IL13RA2: variants seen among roughly 807,000 people sequenced by gnomAD.
The protein encoded by IL13RA2 is interleukin 13 receptor subunit alpha 2.
In IL13RA2, 25 loss-of-function variants were observed where a neutral mutation model predicts 34.1. That is an observed-to-expected ratio of 0.73 (90% confidence interval 0.53 to 1.03). The LOEUF (loss-of-function observed/expected upper bound fraction) is 1.03, where lower values mean the gene tolerates loss of function less well. Among genes scored for constraint, IL13RA2 ranks in the 50% least tolerant of loss-of-function variants. IL13RA2 has a pLI of 0.00. For synonymous variants in IL13RA2, 106 were observed against 100.4 expected, an observed-to-expected ratio of 1.06 and a Z score of -0.33; for missense variants, 297 against 280.9, an observed-to-expected ratio of 1.06 and a Z score of -0.41.
At chrX:115,007,203 T>C (rs1556507836) in intron 8 of IL13RA2, among the ~76,000 whole-genome samples, 1 of 111,990 alleles carries the variant, frequency 8.9e-6, no homozygotes, top group Non-Finnish European at 1.9e-5. Flanking sequence ...GATTCCACTA[T>C]AGTAGAACAA....
Position 115,017,336 on chromosome X carries a change from C to T in IL13RA2, c.-33-34G>A, listed in dbSNP as rs1305464672. 6.9e-6 allele frequency: 4 copies of T among 580,136 alleles called. No individual in the cohort carries two copies. In the African/African-American group the frequency reaches 9.1e-5, roughly 13 times the overall value. The allele number at this position is 580,136 out of a possible 1,213,427, so 47.8% of individuals were successfully genotyped here. A position where few individuals can be genotyped will look rare whatever the true frequency, so the allele number is the denominator to read the frequency against. On this transcript the variant is annotated intron_variant, in intron 1 of 9. Coordinates refer to ENST00000243213, the MANE Select transcript of IL13RA2 (RefSeq NM_000640.3). The stretch of plus-strand genomic sequence containing the variant: ...GAAAAATATAACATTTTAACTTTAT[C>T]TTACATCAAATAATCAAACTAAACG...
rs1556508448 is a variant in IL13RA2 at position 115,009,628 on chromosome X, C to A, written c.745G>T (p.Glu249Ter). The stretch of plus-strand genomic sequence containing the variant: ...TTCAGCTTAATTTCACATGAACTCT[C>A]CCGAGTAAAAGTAAGATAGACTGGC... ...LPPVYLTFTRESSCEIKLKWS... is the reference protein window; with the variant it reads ...LPPVYLTFTR The change falls in exon 7 of 10, where the codon GAG becomes TAG. Residue 249 changes from glutamate to a stop codon, truncating the protein, a stop_gained. Coordinates refer to ENST00000243213, the MANE Select transcript of IL13RA2 (RefSeq NM_000640.3). LOFTEE classifies it high-confidence loss of function. 8.3e-7 allele frequency: 1 copy of A among 1,204,614 alleles called. No individual in the cohort carries two copies. Among genetic ancestry groups the A allele is most frequent in the East Asian group, 3.0e-5 (1 of 33,793 alleles).
rs782008534 is a variant in IL13RA2 at position 115,013,905 on chromosome X, A to G, written c.401-16T>C. The G allele has an allele frequency of 2.2e-5, 23 of 1,032,522 alleles. No homozygotes were observed. Among genetic ancestry groups the G allele is most frequent in the Non-Finnish European group, 3.0e-5 (22 of 735,542 alleles). The allele number at this position is 1,032,522 out of a possible 1,213,427, so 85.1% of individuals were successfully genotyped here. Reference sequence around the variant, plus strand: ...TCTGGAATTCCTAAGGAACAAATCAACTGTGAATGTTTGAAAGGCTTGGTG... The same window carrying G: ...TCTGGAATTCCTAAGGAACAAATCAGCTGTGAATGTTTGAAAGGCTTGGTG... On this transcript the variant is annotated splice_polypyrimidine_tract_variant and intron_variant, in intron 4 of 9. Coordinates refer to ENST00000243213, the MANE Select transcript of IL13RA2 (RefSeq NM_000640.3).
intron 2 of IL13RA2, among the ~76,000 whole-genome samples, chrX:115,016,263 A>G (rs1424169921): frequency 1.8e-5 from 2 of 111,391 alleles, no homozygotes; most frequent in African/African-American, 3.3e-5. Context: ...ACTAAAAACC[A>G]ACGTATAGTA....
rs373086330 is a variant in IL13RA2, at chrX:115,013,805, C to T, written c.485G>A (p.Gly162Asp). 12 of 1,055,696 alleles carry T rather than the reference C, an allele frequency of 1.1e-5. No individual in the cohort carries two copies. Among genetic ancestry groups the T allele is most frequent in the Non-Finnish European group, 1.5e-5 (11 of 755,531 alleles). The allele number at this position is 1,055,696 out of a possible 1,213,427, so 87.0% of individuals were successfully genotyped here. The change falls in exon 5 of 10, where the codon GGT becomes GAT. Residue 162 changes from glycine to aspartate, a missense_variant. Coordinates refer to ENST00000243213, the MANE Select transcript of IL13RA2 (RefSeq NM_000640.3). ...YLLCSWKPGI[G>D]VLLDTNYNLF... ...GTTGTAATTGGTATCAAGAAGTACA[C>T]CTATGCCAGGTTTCCAAGAACAGAG...
At chrX:115,016,651 TATATA>T (rs1420098378) in intron 2 of IL13RA2, among the ~76,000 whole-genome samples, 2 of 102,072 alleles carry the variant, frequency 2.0e-5, no homozygotes, top group Non-Finnish European at 4.1e-5. Flanking sequence ...TATAATATAA[TATATA>T]ATATAATAAT....
At chrX:115,010,132 T>C (rs782173518) in intron 6 of IL13RA2, among the ~76,000 whole-genome samples, 12 of 111,539 alleles carry the variant, frequency 1.1e-4, no homozygotes, top group Non-Finnish European at 1.7e-4. Flanking sequence ...ATGTTACTAC[T>C]AAGGAAATTG....
rs1556509348 is a variant in IL13RA2 at position 115,014,409 on chromosome X, C to T, written c.400+12G>A. 1 of 1,151,966 alleles carries T rather than the reference C, an allele frequency of 8.7e-7. No individual in the cohort carries two copies. The highest frequency in any genetic ancestry group is 2.0e-5 in the South Asian group (1 of 51,155). 94.9% of individuals were successfully genotyped at this position (1,151,966 alleles called of 1,213,427 possible). On this transcript the variant is annotated intron_variant, in intron 4 of 9. Transcript: ENST00000243213. The stretch of plus-strand genomic sequence containing the variant: ...GATAGTATTAAATATGAAAAGAGAG[C>T]TTTGTTTTAACCTTGTGGTGATATC...
chrX:115,004,956 G>C (rs2071678990), intron 9 of IL13RA2, among the ~76,000 whole-genome samples: 1 of 112,380 alleles, frequency 8.9e-6, no homozygotes, highest in Non-Finnish European at 1.9e-5. Flanking sequence ...GGGCCAAATA[G>C]TATTTCATGT....
At chrX:115,012,321 C>T (rs932060411) in intron 5 of IL13RA2, among the ~76,000 whole-genome samples, 34 of 111,676 alleles carry the variant, frequency 3.0e-4, no homozygotes, top group African/African-American at 7.8e-4. Flanking sequence ...TAATCTACTA[C>T]GGGTATAGTA....
At chrX:115,009,746 T>C in intron 6 of IL13RA2, 80 bp from the exon 7 acceptor site, 6 of 879,478 alleles carry the variant, frequency 6.8e-6, no homozygotes, top group Non-Finnish European at 9.9e-6. Context: ...TAGGGACATC[T>C]GGTAACAGAA....
At chrX:115,009,036 T>C (rs1364873781) in intron 7 of IL13RA2, among the ~76,000 whole-genome samples, 1 of 111,343 alleles carries the variant, frequency 9.0e-6, no homozygotes, top group Non-Finnish European at 1.9e-5. Flanking sequence ...TATAACAATG[T>C]GTGATTAAAG....
Position 115,010,796 on chromosome X carries a change from A to T in IL13RA2, c.554T>A (p.Val185Asp), listed in dbSNP as rs868969360. The change falls in exon 6 of 10, where the codon GTT (valine) becomes GAT (aspartate). Residue 185 changes from valine to aspartate, a missense_variant. Val to Asp is a radical substitution (Grantham distance 152). Coordinates refer to ENST00000243213, the MANE Select transcript of IL13RA2 (RefSeq NM_000640.3). ...TTGTCCATCAGCCTTGATGTAATCA[A>T]CACACTGTAATGCATGATCCAAGCC... Reference protein sequence around the residue: ...YEGLDHALQCVDYIKADGQNI... With the variant: ...YEGLDHALQCDDYIKADGQNI... The T allele has an allele frequency of 8.9e-6, 10 of 1,125,872 alleles. No individual in the cohort carries two copies. The highest frequency in any genetic ancestry group is 1.2e-5 in the Non-Finnish European group (10 of 837,903). The allele number at this position is 1,125,872 out of a possible 1,213,427, so 92.8% of individuals were successfully genotyped here.
intron 2 of IL13RA2, among the ~76,000 whole-genome samples, chrX:115,016,499 C>T (rs1292660343): frequency 3.7e-5 from 4 of 108,387 alleles, no homozygotes; most frequent in Admixed American, 2.0e-4. Flanking sequence ...TGCTCATGTA[C>T]GCCAGAATTT....
At chrX:115,007,412 C>G (rs1409470928) in intron 8 of IL13RA2, among the ~76,000 whole-genome samples, 1 of 112,137 alleles carries the variant, frequency 8.9e-6, no homozygotes, top group Non-Finnish European at 1.9e-5. Context: ...TTACCTCATT[C>G]TTTAGGCTTT....
chrX:115,014,653 A>G, intron 3 of IL13RA2, 79 bp from the exon 4 acceptor site: 2 of 659,452 alleles, frequency 3.0e-6, no homozygotes, highest in Non-Finnish European at 4.5e-6. Flanking sequence ...AGACTAATAA[A>G]TCATTAATAC....
intron 2 of IL13RA2, among the ~76,000 whole-genome samples, chrX:115,016,105 TAGAG>T (rs2071726161): frequency 9.0e-6 from 1 of 111,078 alleles, no homozygotes; most frequent in African/African-American, 3.3e-5. Flanking sequence ...GACAAATTCA[TAGAG>T]AGAGAAAGTA....
chrX:115,005,303 G>C lies in IL13RA2; in HGVS notation c.1010C>G (p.Ser337Trp), dbSNP rs142667478. Residue 337 changes from serine (S) to tryptophan (W), a missense_variant, in exon 9 of 10, where the codon TCG (serine) becomes TGG (tryptophan). Coordinates refer to ENST00000243213, the MANE Select transcript of IL13RA2 (RefSeq NM_000640.3). Reference sequence around the variant, plus strand: ...CCAGAAACGTAGCAAAGTTTTCTTCGATAGGTCTTCACCTAGGATTAAAAA... The same window carrying C: ...CCAGAAACGTAGCAAAGTTTTCTTCCATAGGTCTTCACCTAGGATTAAAAA... ...DKQCWEGEDL[S>W]KKTLLRFWLP... 2.7e-5 allele frequency: 26 copies of C among 969,003 alleles called. No homozygotes were observed. Among genetic ancestry groups the C allele is most frequent in the South Asian group, 7.7e-5 (4 of 51,705 alleles). The allele number at this position is 969,003 out of a possible 1,213,427, so 79.9% of individuals were successfully genotyped here. A position where few individuals can be genotyped will look rare whatever the true frequency, so the allele number is the denominator to read the frequency against.
intron 8 of IL13RA2, among the ~76,000 whole-genome samples, chrX:115,007,492 T>G (rs2071689713): frequency 8.9e-6 from 1 of 112,117 alleles, no homozygotes; most frequent in South Asian, 3.7e-4. Context: ...TAGAAGTGAA[T>G]GGAATGAATA....
Sources: gnomAD v4.1 joint callset for allele counts (sites outside exome capture counted in the v4.1 genomes callset) on GRCh38, gnomAD v4.1.1 for gene constraint, MANE v1.5 for transcripts, NCBI Gene and HGNC (gene_info 2026-07-23, HGNC 2026-07-21) for gene names.